The following SRGAP2 variants were observed in gnomAD, a reference collection of about 807,000 sequenced individuals.
The protein encoded by SRGAP2 is SLIT-ROBO Rho GTPase-activating protein 2.
Under a neutral mutation model 57.2 loss-of-function variants are expected in SRGAP2, and 15 were observed. That is an observed-to-expected ratio of 0.26 (90% CI 0.18 to 0.40). The LOEUF is 0.40. Ranked by LOEUF, SRGAP2 falls within the 10% of genes least tolerant of loss-of-function variation. The pLI is 1.00. For missense variants in SRGAP2, 520 were observed against 669.6 expected (o/e 0.78, Z 2.47); for synonymous variants, 249 against 248.0 (o/e 1.00, Z -0.04).
At chr1:206,289,488 A>G (rs1671195242) in intron 2 of SRGAP2, among the ~76,000 whole-genome samples, 1 of 151,744 alleles carries the variant, frequency 6.6e-6, no homozygotes, top group Non-Finnish European at 1.5e-5. Flanking sequence ...TGTGTTAGCC[A>G]GGATGGTCTC....
chr1:206,415,988 C>G lies in SRGAP2; in HGVS notation c.1441+15C>G. 1 of 778,640 alleles carries G rather than the reference C, an allele frequency of 1.3e-6. No homozygotes were observed. Among genetic ancestry groups the G allele is most frequent in the Non-Finnish European group, 2.4e-6 (1 of 417,086 alleles). 48.2% of individuals were successfully genotyped at this position (778,640 alleles called of 1,614,324 possible). The stretch of plus-strand genomic sequence containing the variant: ...CCTGGGAGAAAGTGAGTGTGGGAAC[C>G]CTCTGCTAGAGGCTTGACAGTGAGG... On this transcript the variant is annotated intron_variant, in intron 11 of 22. Transcript: ENST00000573034.
chr1:206,436,008 C>T (rs1661708804), intron 14 of SRGAP2, among the ~76,000 whole-genome samples: 1 of 152,182 alleles, frequency 6.6e-6, no homozygotes, highest in Non-Finnish European at 1.5e-5. Context: ...TGACTGATCA[C>T]TTCATAGCAA....
At chr1:206,347,271 C>CA (rs1242712534) in intron 4 of SRGAP2, among the ~76,000 whole-genome samples, 1 of 150,962 alleles carries the variant, frequency 6.6e-6, no homozygotes, top group East Asian at 1.9e-4. Context: ...AAAAAAACAA[C>CA]AAAAAAACAA....
At chr1:206,353,797 G>GT (rs1676221099) in intron 4 of SRGAP2, among the ~76,000 whole-genome samples, 1 of 140,750 alleles carries the variant, frequency 7.1e-6, no homozygotes, top group African/African-American at 2.7e-5. Context: ...TTTTATTTCA[G>GT]ATTTTTTTTT....
At chr1:206,437,477 T>A (rs1558432591) in intron 15 of SRGAP2, 1 of 179,102 alleles carries the variant, frequency 5.6e-6, no homozygotes, top group Non-Finnish European at 1.2e-5. Flanking sequence ...AATTTGAGGT[T>A]GGCCCTATCA....
intron 4 of SRGAP2, among the ~76,000 whole-genome samples, chr1:206,374,306 G>A (rs1217289737): frequency 1.3e-5 from 2 of 150,290 alleles, no homozygotes; most frequent in Non-Finnish European, 3.0e-5. Flanking sequence ...GTGAGCCACC[G>A]CGCCCGGCCA....
chr1:206,267,054 C>T (rs1418464221), intron 2 of SRGAP2, among the ~76,000 whole-genome samples: 168 of 148,798 alleles, frequency 1.1e-3, no homozygotes, highest in African/African-American at 3.6e-3. Context: ...CTGCAAGCTC[C>T]GCCTCCCGGG....
rs540134984 is a variant in SRGAP2, at chr1:206,425,557, C to T, written c.1494+4283C>T. ...TTTTGTTTTGTTTTGTTTTTTGAGACAGGGTCTCGTTCTGTTGCGCAGGCT... is the reference window on the plus strand; with the variant it reads ...TTTTGTTTTGTTTTGTTTTTTGAGATAGGGTCTCGTTCTGTTGCGCAGGCT... On this transcript the variant is annotated intron_variant, in intron 13 of 22. Transcript: ENST00000573034. Among the ~76,000 whole-genome samples the T allele has an allele frequency of 5.9e-5, 9 of 152,124 alleles. No homozygotes were observed. The East Asian group carries it at 1.3e-3, about 23-fold the overall frequency.
chr1:206,460,008 G>T (rs1343124391), intron 22 of SRGAP2, among the ~76,000 whole-genome samples: 1 of 152,222 alleles, frequency 6.6e-6, no homozygotes, highest in Non-Finnish European at 1.5e-5. Flanking sequence ...TGTAGAGTGC[G>T]ACTGAGGAGG....
intron 2 of SRGAP2, among the ~76,000 whole-genome samples, chr1:206,245,061 T>C (rs1322207125): frequency 2.2e-5 from 3 of 135,412 alleles, no homozygotes; most frequent in Non-Finnish European, 4.8e-5. Context: ...ATGAGATACA[T>C]GGCAGTTAGC....
At position 206,458,761 on chromosome 1, in the gene SRGAP2, C is replaced by T. The variant is rs1553379409; in HGVS notation, c.2646C>T (p.Ser882=). The change falls in exon 22 of 23, where the codon AGC becomes AGT. Residue 882 remains serine, a synonymous_variant. Coordinates refer to ENST00000573034, the MANE Select transcript of SRGAP2 (RefSeq NM_015326.5). Reference sequence around the variant, plus strand: ...GCCCATCCTCCCAGCCCATCATGAGCCAGAGCCTCCCCAAAGAAGGGCCAG... The same window carrying T: ...GCCCATCCTCCCAGCCCATCATGAGTCAGAGCCTCCCCAAAGAAGGGCCAG... ...SCRPSSQPIM[S]QSLPKEGPDK... The T allele has an allele frequency of 1.3e-6, 1 of 780,822 alleles. No individual in the cohort carries two copies. The allele number at this position is 780,822 out of a possible 1,614,324, so 48.4% of individuals were successfully genotyped here. A position where few individuals can be genotyped will look rare whatever the true frequency, so the allele number is the denominator to read the frequency against.
At chr1:206,425,612 G>A (rs573547969) in intron 13 of SRGAP2, among the ~76,000 whole-genome samples, 4 of 152,192 alleles carry the variant, frequency 2.6e-5, no homozygotes, top group African/African-American at 9.6e-5. Flanking sequence ...TCAGCTCACT[G>A]CAACCTCTGC....
At chr1:206,340,950 G>T (rs1675141149) in intron 3 of SRGAP2, among the ~76,000 whole-genome samples, 1 of 151,994 alleles carries the variant, frequency 6.6e-6, no homozygotes. Context: ...ACGCTTAAGA[G>T]TTAGTGATTT....
intron 19 of SRGAP2, among the ~76,000 whole-genome samples, chr1:206,452,970 C>G (rs375883326): frequency 1.3e-5 from 2 of 151,078 alleles, no homozygotes; most frequent in African/African-American, 2.4e-5. Context: ...AAGAAGATTC[C>G]TGGTGGAGGG....
chr1:206,418,915 TG>T (rs1660027788), intron 11 of SRGAP2, among the ~76,000 whole-genome samples: 3 of 151,876 alleles, frequency 2.0e-5, no homozygotes, highest in Non-Finnish European at 4.4e-5. Context: ...TGTGTGTGTG[TG>T]TGTGTGTGTG....
chr1:206,412,903 T>C (rs1659341954), intron 10 of SRGAP2, among the ~76,000 whole-genome samples: 2 of 152,204 alleles, frequency 1.3e-5, no homozygotes, highest in Non-Finnish European at 2.9e-5. Flanking sequence ...CTGGCTTACC[T>C]GGATGGAAAA....
chr1:206,229,506 G>C (rs1302358956), intron 2 of SRGAP2, among the ~76,000 whole-genome samples: 1 of 152,208 alleles, frequency 6.6e-6, no homozygotes, highest in African/African-American at 2.4e-5. Flanking sequence ...GCTCCTAGCA[G>C]TTTGGCTGTC....
chr1:206,401,835 T>A (rs1254198744), intron 8 of SRGAP2, among the ~76,000 whole-genome samples, 190 bp downstream of exon 8: 1 of 151,908 alleles, frequency 6.6e-6, no homozygotes, highest in African/African-American at 2.4e-5. Context: ...CGGGCTTGGG[T>A]GCAGACATGG....
chr1:206,251,638 A>C (rs1668837667), intron 2 of SRGAP2, among the ~76,000 whole-genome samples: 3 of 150,940 alleles, frequency 2.0e-5, no homozygotes, highest in African/African-American at 7.3e-5. Flanking sequence ...TGATCTGGAC[A>C]ACGTGGACCT....
Sources: allele counts gnomAD v4.1 joint callset (sites outside exome capture counted in the v4.1 genomes callset), GRCh38; gene constraint gnomAD v4.1.1; transcripts MANE v1.5; gene names NCBI Gene and HGNC (gene_info 2026-07-23, HGNC 2026-07-21).